Variants in CYYR1 observed in about 807,000 individuals in gnomAD.
CYYR1 encodes the protein cysteine and tyrosine rich 1, also known as cysteine and tyrosine-rich protein 1.
In CYYR1, 14 loss-of-function variants were observed where a neutral mutation model predicts 15.2. That is an observed-to-expected ratio of 0.92 (90% CI 0.61 to 1.44). The LOEUF is 1.44. Ranked by LOEUF, CYYR1 falls within the 40% of genes most tolerant of loss-of-function variation. The probability of loss-of-function intolerance (pLI) is 0.00; values close to 1 mark genes in which losing one functional copy is unlikely to be tolerated. For synonymous variants in CYYR1, 80 were observed against 77.4 expected, an observed-to-expected ratio of 1.03 and a Z score of -0.18; for missense variants, 228 against 209.5, an observed-to-expected ratio of 1.09 and a Z score of -0.54.
chr21:26,546,891 A>G (rs1979012487), intron 2 of CYYR1, among the ~76,000 whole-genome samples: 1 of 152,122 alleles, frequency 6.6e-6, no homozygotes, highest in Non-Finnish European at 1.5e-5. Flanking sequence ...TTGTGGCTCG[A>G]CGCTGCTTCA....
At chr21:26,517,506 A>G (rs2065747619) in intron 2 of CYYR1, among the ~76,000 whole-genome samples, 1 of 152,176 alleles carries the variant, frequency 6.6e-6, no homozygotes, top group South Asian at 2.1e-4. Context: ...GGAATGGGGT[A>G]TATTAAAACT....
At chr21:26,543,932 T>C (rs1724045348) in intron 2 of CYYR1, among the ~76,000 whole-genome samples, 1 of 151,462 alleles carries the variant, frequency 6.6e-6, no homozygotes, top group East Asian at 1.9e-4. Flanking sequence ...AATAAATAAA[T>C]AAAATAAAAT....
intron 2 of CYYR1, chr21:26,482,442 C>G: frequency 1.0e-6 from 1 of 985,290 alleles, no homozygotes; most frequent in Non-Finnish European, 1.2e-6. Flanking sequence ...CTTCTTACAG[C>G]AACTAAGACT....
chr21:26,544,000 T>G (rs1326852001), intron 2 of CYYR1, among the ~76,000 whole-genome samples: 1 of 152,186 alleles, frequency 6.6e-6, no homozygotes, highest in African/African-American at 2.4e-5. Flanking sequence ...CCTGGAAAGC[T>G]ATTGTGCTCT....
At position 26,573,020 on chromosome 21, in the gene CYYR1, GGA is replaced by G. The variant is rs765500303; in HGVS notation, c.-82_-81del. On this transcript the variant is annotated 5_prime_UTR_variant, in exon 1 of 4. An upstream open reading frame in the 5' UTR gains an earlier in-frame stop. Transcript: ENST00000652641. ...TGGGGAGGATGGAGGGCGATCAGAT[GGA>G]GAGAGCAGCGCTCCTGAGAGCCGGG... The G allele has an allele frequency of 5.6e-6, 9 of 1,609,268 alleles. No homozygotes were observed. The East Asian group carries it at 2.0e-4, about 36-fold the overall frequency.
chr21:26,470,807 C>T (rs1747041272), intron 3 of CYYR1: 1 of 152,424 alleles, frequency 6.6e-6, no homozygotes, highest in Admixed American at 6.5e-5. Flanking sequence ...TTGCCCTGTA[C>T]TTGGAGGATG....
chr21:26,560,572 A>G (rs1165966005), intron 2 of CYYR1, among the ~76,000 whole-genome samples: 2 of 152,206 alleles, frequency 1.3e-5, no homozygotes, highest in African/African-American at 4.8e-5. Flanking sequence ...GGTGGTTTTT[A>G]AAATATATAT....
intron 2 of CYYR1, among the ~76,000 whole-genome samples, chr21:26,480,744 A>T (rs2065169347): frequency 6.6e-6 from 1 of 152,128 alleles, no homozygotes; most frequent in Non-Finnish European, 1.5e-5. Context: ...TATGCTCTCC[A>T]AAGTAATAAT....
intron 2 of CYYR1, among the ~76,000 whole-genome samples, chr21:26,544,725 T>C (rs911892341): frequency 1.4e-4 from 21 of 152,196 alleles, no homozygotes; most frequent in Non-Finnish European, 4.4e-5. Context: ...TAAAGGATGA[T>C]CTTGTAAGTA....
At chr21:26,479,302 G>GA (rs199514031) in intron 3 of CYYR1, among the ~76,000 whole-genome samples, 296 of 130,760 alleles carry the variant, frequency 2.3e-3, no homozygotes, top group South Asian at 2.7e-3. Flanking sequence ...GATGATAGAG[G>GA]AAAAAAAAAA....
chr21:26,473,942 A>C (rs961050328), intron 3 of CYYR1, among the ~76,000 whole-genome samples: 1 of 151,998 alleles, frequency 6.6e-6, no homozygotes, highest in Non-Finnish European at 1.5e-5. Flanking sequence ...GCTGTTCATA[A>C]TCTTCATAGC....
chr21:26,541,613 A>G (rs1978552661), intron 2 of CYYR1, among the ~76,000 whole-genome samples: 1 of 152,230 alleles, frequency 6.6e-6, no homozygotes, highest in African/African-American at 2.4e-5. Context: ...AAGAAAAGCT[A>G]ACAGAAGTTC....
At chr21:26,474,568 C>G (rs892924749) in intron 3 of CYYR1, among the ~76,000 whole-genome samples, 1 of 151,814 alleles carries the variant, frequency 6.6e-6, no homozygotes, top group East Asian at 1.9e-4. Flanking sequence ...GTGTCCTACC[C>G]CAAACTTTCC....
At chr21:26,566,416 G>C (rs1980625430) in intron 1 of CYYR1, 48 bp from the exon 2 acceptor site, 1 of 1,424,672 alleles carries the variant, frequency 7.0e-7, no homozygotes, top group Non-Finnish European at 9.8e-7. Context: ...TAAAATCACA[G>C]TTTCAAGAAA....
At chr21:26,554,994 C>T (rs989614942) in intron 2 of CYYR1, among the ~76,000 whole-genome samples, 1 of 151,994 alleles carries the variant, frequency 6.6e-6, no homozygotes, top group African/African-American at 2.4e-5. Flanking sequence ...ATATATATGT[C>T]AGGGGGGCAA....
chr21:26,566,413 A>G (rs1980624929), intron 1 of CYYR1, 45 bp from the exon 2 acceptor site: 1 of 1,457,460 alleles, frequency 6.9e-7, no homozygotes, highest in Non-Finnish European at 9.6e-7. Flanking sequence ...TTGTAAAATC[A>G]CAGTTTCAAG....
chr21:26,524,974 A>G (rs1688444646), intron 2 of CYYR1, among the ~76,000 whole-genome samples: 1 of 152,216 alleles, frequency 6.6e-6, no homozygotes, highest in African/African-American at 2.4e-5. Flanking sequence ...TTTGGAGCTA[A>G]GAGGCAATAA....
At chr21:26,492,888 T>C (rs1479557154) in intron 2 of CYYR1, among the ~76,000 whole-genome samples, 1 of 152,090 alleles carries the variant, frequency 6.6e-6, no homozygotes, top group African/African-American at 2.4e-5. Flanking sequence ...CTAGGTTCTA[T>C]GAGATCAGAG....
At chr21:26,470,253 A>G (rs775717673) in intron 3 of CYYR1, among the ~76,000 whole-genome samples, 1 of 152,200 alleles carries the variant, frequency 6.6e-6, no homozygotes, top group Non-Finnish European at 1.5e-5. Flanking sequence ...TTTGCAAACG[A>G]ACCTTAATTT....
Sources: allele counts gnomAD v4.1 joint callset (sites outside exome capture counted in the v4.1 genomes callset), GRCh38; gene constraint gnomAD v4.1.1; transcripts MANE v1.5; gene names NCBI Gene and HGNC (gene_info 2026-07-23, HGNC 2026-07-21).